Variants in RIMBP2 observed in about 807,000 individuals in gnomAD.
RIMBP2 encodes RIMS-binding protein 2.
In RIMBP2, 48 loss-of-function variants were observed where a neutral mutation model predicts 118.6. The ratio of observed to expected loss-of-function variants is 0.40; its 90% CI spans 0.32 to 0.51. The LOEUF is 0.51. Among genes scored for constraint, RIMBP2 ranks in the 20% least tolerant of loss-of-function variants. The pLI is 0.41. For synonymous variants in RIMBP2, 762 were observed against 742.9 expected (o/e 1.03, Z -0.42); for missense variants, 1,551 against 1,768.3 (o/e 0.88, Z 2.20).
At chr12:130,568,884 A>G (rs1163750451) in intron 2 of RIMBP2, among the ~76,000 whole-genome samples, 2 of 152,076 alleles carry the variant, frequency 1.3e-5, no homozygotes, top group African/African-American at 4.8e-5. Flanking sequence ...GCATTATCCA[A>G]TGGAAAAAAA....
chr12:130,699,182 G>A (rs1160092984), intron 1 of RIMBP2, among the ~76,000 whole-genome samples: 3 of 152,160 alleles, frequency 2.0e-5, no homozygotes, highest in African/African-American at 7.2e-5. Flanking sequence ...ATTCCTCAGG[G>A]ATCTAGAACT....
intron 2 of RIMBP2, among the ~76,000 whole-genome samples, chr12:130,582,687 G>T (rs11061009): frequency 0.19 from 28,747 of 152,182 alleles, 2,946 homozygotes; most frequent in East Asian, 0.36. Flanking sequence ...TGAAAGAAAT[G>T]CACATTCTCT....
At chr12:130,491,396 C>T (rs1015036899) in intron 4 of RIMBP2, among the ~76,000 whole-genome samples, 6 of 152,180 alleles carry the variant, frequency 3.9e-5, no homozygotes, top group African/African-American at 1.4e-4. Flanking sequence ...CCTCCAGGAC[C>T]TCTCTCATAT....
chr12:130,699,566 C>T (rs1314698255), intron 1 of RIMBP2, among the ~76,000 whole-genome samples: 5 of 100,828 alleles, frequency 5.0e-5, no homozygotes, highest in Admixed American at 1.6e-4. Context: ...CATCACACAC[C>T]GGGGACTGTT....
At chr12:130,540,012 A>C (rs375883646) in intron 2 of RIMBP2, among the ~76,000 whole-genome samples, 31 of 87,522 alleles carry the variant, frequency 3.5e-4, no homozygotes, top group Non-Finnish European at 4.4e-4. Flanking sequence ...CAGGTGTAGG[A>C]TATGGCAAAT....
At chr12:130,468,506 C>T (rs1015316134) in intron 6 of RIMBP2, among the ~76,000 whole-genome samples, 1 of 152,070 alleles carries the variant, frequency 6.6e-6, no homozygotes, top group Non-Finnish European at 1.5e-5. Context: ...CACGAACTCA[C>T]CATCCAACTC....
At chr12:130,699,573 T>A (rs1211154987) in intron 1 of RIMBP2, among the ~76,000 whole-genome samples, 1 of 96,708 alleles carries the variant, frequency 1.0e-5, no homozygotes, top group Non-Finnish European at 1.9e-5. Context: ...CACCGGGGAC[T>A]GTTGTGGGGT....
At chr12:130,454,425 G>A (rs111908319) in intron 7 of RIMBP2, among the ~76,000 whole-genome samples, 4 of 152,234 alleles carry the variant, frequency 2.6e-5, no homozygotes, top group East Asian at 1.9e-4. Flanking sequence ...TGGTGGGATC[G>A]GGGTGCTGTG....
At chr12:130,524,248 C>A (rs1052194914) in intron 2 of RIMBP2, among the ~76,000 whole-genome samples, 1 of 152,180 alleles carries the variant, frequency 6.6e-6, no homozygotes, top group Non-Finnish European at 1.5e-5. Flanking sequence ...TGAGATGCAA[C>A]CTCCCAAGAG....
chr12:130,415,047 A>G (rs1330417722), intron 17 of RIMBP2, among the ~76,000 whole-genome samples: 2 of 152,340 alleles, frequency 1.3e-5, no homozygotes, highest in African/African-American at 4.8e-5. Context: ...ACCCTAACTC[A>G]TTCTATGAAG....
chr12:130,665,658 G>A (rs2063886946), intron 1 of RIMBP2, among the ~76,000 whole-genome samples: 1 of 148,644 alleles, frequency 6.7e-6, no homozygotes, highest in Non-Finnish European at 1.5e-5. Flanking sequence ...TCCAAGGGAA[G>A]AAAGACAAGG....
chr12:130,399,962 G>A (rs2074373257), intron 21 of RIMBP2, 149 bp from the exon 22 acceptor site: 6 of 890,196 alleles, frequency 6.7e-6, no homozygotes, highest in Non-Finnish European at 1.0e-5. Context: ...CTCTAAATCA[G>A]GGTTTCCAAA....
chr12:130,615,640 C>T (rs981982041), intron 2 of RIMBP2, among the ~76,000 whole-genome samples: 7 of 151,972 alleles, frequency 4.6e-5, no homozygotes, highest in African/African-American at 1.5e-4. Context: ...AACCAACAAA[C>T]CCCCCAAGGC....
chr12:130,520,037 G>T (rs745377996), intron 2 of RIMBP2, among the ~76,000 whole-genome samples: 9 of 152,192 alleles, frequency 5.9e-5, no homozygotes, highest in Non-Finnish European at 7.3e-5. Context: ...CCTGGTTCAT[G>T]CCATCCGCCT....
intron 5 of RIMBP2, among the ~76,000 whole-genome samples, chr12:130,474,116 G>A (rs1389623541): frequency 6.6e-6 from 1 of 152,170 alleles, no homozygotes; most frequent in Non-Finnish European, 1.5e-5. Context: ...AGCGCAGCCG[G>A]ACCCCAGGCT....
intron 1 of RIMBP2, among the ~76,000 whole-genome samples, chr12:130,650,837 G>C (rs1036571788): frequency 2.0e-5 from 3 of 151,686 alleles, no homozygotes; most frequent in African/African-American, 7.3e-5. Context: ...TTTAAATTAG[G>C]CCTATGCCCT....
At position 130,628,303 on chromosome 12, in the gene RIMBP2, A is replaced by C. The variant is rs2061770811; in HGVS notation, c.-217+19T>G. 6.6e-6 allele frequency: 1 copy of C among 152,212 alleles called. No homozygotes were observed. The highest frequency in any genetic ancestry group is 2.1e-4 in the South Asian group (1 of 4,832). 9.4% of individuals were successfully genotyped at this position (152,212 alleles called of 1,614,324 possible). A position where few individuals can be genotyped will look rare whatever the true frequency, so the allele number is the denominator to read the frequency against. ...GATACAGAGGAATACTGCTTCTGAG[A>C]AAAGAAAGGACGACTTACCACAAAG... On this transcript the variant is annotated intron_variant, in intron 2 of 22. Coordinates refer to ENST00000690449, the MANE Select transcript of RIMBP2 (RefSeq NM_001393629.1).
chr12:130,715,846 G>C (rs1321563051), intron 1 of RIMBP2, among the ~76,000 whole-genome samples: 1 of 151,988 alleles, frequency 6.6e-6, no homozygotes, highest in Non-Finnish European at 1.5e-5. Context: ...AGGCGAGCGG[G>C]GCCGTGTCCA....
rs2078168653 is a variant in RIMBP2 at position 130,441,893 on chromosome 12, T to G, written c.1459A>C (p.Arg487=). 1 of 1,613,862 alleles carries G rather than the reference T, an allele frequency of 6.2e-7. No individual in the cohort carries two copies. Among genetic ancestry groups the G allele is most frequent in the Non-Finnish European group, 8.5e-7 (1 of 1,180,044 alleles). ...TCCACAAAGGCCTCCTTCTTCTCCC[T>G]TTGCTCCAGCGGGAGCTGCCACGGC... is the stretch of plus-strand genomic sequence containing the variant. ...QMPWQLPLEQ[R]EKKEAFVEFS... is the part of the protein sequence containing the mutation. The change falls in exon 11 of 23, where the codon AGG becomes CGG. Residue 487 remains arginine, a synonymous_variant. Transcript: ENST00000690449.
Sources: allele counts gnomAD v4.1 joint callset (sites outside exome capture counted in the v4.1 genomes callset), GRCh38; gene constraint gnomAD v4.1.1; transcripts MANE v1.5; gene names NCBI Gene and HGNC (gene_info 2026-07-23, HGNC 2026-07-21).